Variants in FBXO36 observed in about 807,000 individuals in gnomAD.
FBXO36 encodes F-box protein 36, also known as F-box only protein 36.
In FBXO36, 18 loss-of-function variants were observed where a neutral mutation model predicts 17.0. The ratio of observed to expected loss-of-function variants is 1.06; its 90% CI spans 0.73 to 1.57. The LOEUF (loss-of-function observed/expected upper bound fraction) is 1.57. Ranked by LOEUF, FBXO36 falls within the 40% of genes most tolerant of loss-of-function variation. The pLI is 0.00. For synonymous variants in FBXO36, 83 were observed against 85.3 expected (o/e 0.97, Z 0.15); for missense variants, 229 against 221.9 (o/e 1.03, Z -0.20).
Position 229,938,118 on chromosome 2 carries a change from C to T in FBXO36, c.96+15509C>T, listed in dbSNP as rs553223938. Among the ~76,000 whole-genome samples, 271 of 151,784 alleles carry T rather than the reference C, an allele frequency of 1.8e-3. 4 individuals are homozygous for T. Among genetic ancestry groups the T allele is most frequent in the South Asian group, 8.3e-3 (40 of 4,812 alleles). ...GCATAGCTGAGATTACAGGCACCTG[C>T]TATCATGCCCGGCTAATTTTTTGTA... On this transcript the variant is annotated intron_variant, in intron 1 of 3. Transcript: ENST00000283946.
intron 2 of FBXO36, among the ~76,000 whole-genome samples, chr2:229,989,727 ATTTTTTT>A (rs11313146): frequency 3.3e-5 from 4 of 120,880 alleles, no homozygotes; most frequent in Non-Finnish European, 6.9e-5. Context: ...CGCCTGGCTA[ATTTTTTT>A]TTTTTTTTTT....
intron 2 of FBXO36, among the ~76,000 whole-genome samples, chr2:229,984,966 C>T (rs1467245970): frequency 6.6e-6 from 1 of 152,026 alleles, no homozygotes; most frequent in Non-Finnish European, 1.5e-5. Context: ...AAGAGATATA[C>T]CTTATAAATT....
intron 2 of FBXO36, among the ~76,000 whole-genome samples, chr2:229,982,571 C>T (rs1296448951): frequency 6.6e-6 from 1 of 151,892 alleles, no homozygotes; most frequent in African/African-American, 2.4e-5. Flanking sequence ...CTTTGGGAGG[C>T]TGAGGCGGGT....
intron 1 of FBXO36, among the ~76,000 whole-genome samples, chr2:229,941,837 C>T (rs1308056835): frequency 2.0e-5 from 3 of 151,992 alleles, no homozygotes; most frequent in South Asian, 2.1e-4. Context: ...GCCAACATGG[C>T]GAAACCCTGT....
At chr2:229,966,205 C>T (rs777565648) in intron 1 of FBXO36, among the ~76,000 whole-genome samples, 7 of 152,106 alleles carry the variant, frequency 4.6e-5, no homozygotes, top group Non-Finnish European at 8.8e-5. Flanking sequence ...TCATATCCTT[C>T]GCCCACTTGT....
rs760713596 is a variant in FBXO36 at position 229,996,915 on chromosome 2, T to C, written c.370T>C (p.Phe124Leu). The C allele has an allele frequency of 1.2e-6, 2 of 1,611,956 alleles. No individual in the cohort carries two copies. The highest frequency in any genetic ancestry group is 1.1e-5 in the South Asian group (1 of 90,194). Residue 124 changes from phenylalanine (F) to leucine (L), a missense_variant, in exon 3 of 4, where the codon TTT becomes CTT. By Grantham distance (22) the Phe-to-Leu change is conservative (BLOSUM62 0). Transcript: ENST00000283946. ...CAGGCTTTGTCAAACATCACACAGA[T>C]TTGCAAAGGTAACGGTCAATTATTT... The part of the protein sequence containing the change: ...IARLCQTSHR[F>L]AKLCMSDKLW...
At position 229,922,572 on chromosome 2, in the gene FBXO36, G is replaced by A; in HGVS notation, c.59G>A (p.Ser20Asn). 1 of 1,614,094 alleles carries A rather than the reference G, an allele frequency of 6.2e-7. No homozygotes were observed. Among genetic ancestry groups the A allele is most frequent in the Non-Finnish European group, 8.5e-7 (1 of 1,180,018 alleles). The change falls in exon 1 of 4, where the codon AGC becomes AAC. Residue 20 changes from serine to asparagine, a missense_variant. Transcript: ENST00000283946. ...ACTGTAGGACAAGGCCCGCCGCCTA[G>A]CAAAGACTATTACCAGTTACTGGTC... ...FETVGQGPPP[S>N]KDYYQLLVTR...
At chr2:229,946,110 G>C (rs186330598) in intron 1 of FBXO36, among the ~76,000 whole-genome samples, 3 of 152,106 alleles carry the variant, frequency 2.0e-5, no homozygotes, top group African/African-American at 7.2e-5. Context: ...GCCCCAGGGG[G>C]TTGTGGTGGA....
intron 1 of FBXO36, among the ~76,000 whole-genome samples, chr2:229,939,712 C>T (rs1456847112): frequency 6.6e-6 from 1 of 152,204 alleles, no homozygotes; most frequent in East Asian, 1.9e-4. Flanking sequence ...GTCTTCCACA[C>T]GTTGGTTCCC....
chr2:230,011,085 C>T lies in FBXO36; in HGVS notation c.*201C>T, dbSNP rs2077413489. 1.8e-6 allele frequency: 1 copy of T among 547,974 alleles called. No homozygotes were observed. The highest frequency in any genetic ancestry group is 3.2e-6 in the Non-Finnish European group (1 of 314,842). 33.9% of individuals were successfully genotyped at this position (547,974 alleles called of 1,614,324 possible). On this transcript the variant is annotated 3_prime_UTR_variant, in exon 4 of 4. Coordinates refer to ENST00000283946, the MANE Select transcript of FBXO36 (RefSeq NM_174899.5). Reference sequence around the variant, plus strand: ...GCTAGAGTCACCGTCATTCTGAGGTCAAATCATGGCCCGAGGACAAGGGCT... The same window carrying T: ...GCTAGAGTCACCGTCATTCTGAGGTTAAATCATGGCCCGAGGACAAGGGCT...
At chr2:229,994,682 A>G (rs1296049536) in intron 2 of FBXO36, among the ~76,000 whole-genome samples, 1 of 152,214 alleles carries the variant, frequency 6.6e-6, no homozygotes, top group African/African-American at 2.4e-5. Context: ...TTCTCTTCTA[A>G]GAGCCATTTT....
At chr2:229,993,495 A>G (rs2077309007) in intron 2 of FBXO36, among the ~76,000 whole-genome samples, 1 of 152,172 alleles carries the variant, frequency 6.6e-6, no homozygotes, top group African/African-American at 2.4e-5. Context: ...GGATGGAAAT[A>G]TGCGGGGGTG....
chr2:229,990,058 A>T (rs1002023022), intron 2 of FBXO36, among the ~76,000 whole-genome samples: 9 of 151,720 alleles, frequency 5.9e-5, no homozygotes. Context: ...CCGCTTTCTC[A>T]TTGTGTGATC....
intron 2 of FBXO36, among the ~76,000 whole-genome samples, chr2:229,982,179 ATGCCTGGCTAATTTTT>A (rs2077243920): frequency 6.6e-6 from 1 of 151,902 alleles, no homozygotes; most frequent in Non-Finnish European, 1.5e-5. Context: ...ATGTGCCACC[ATGCCTGGCTAATTTTT>A]TTGTATTTTT....
chr2:229,942,847 A>G (rs993748893), intron 1 of FBXO36: 1 of 152,190 alleles, frequency 6.6e-6, no homozygotes, highest in Non-Finnish European at 1.5e-5. Flanking sequence ...AAGCCGGTCT[A>G]TTGCCCATCC....
chr2:229,957,383 C>G (rs1326073512), intron 1 of FBXO36, among the ~76,000 whole-genome samples: 1 of 152,150 alleles, frequency 6.6e-6, no homozygotes, highest in Non-Finnish European at 1.5e-5. Context: ...TTGAGACTAG[C>G]CTGGCCAACA....
intron 2 of FBXO36, among the ~76,000 whole-genome samples, chr2:229,991,585 T>C (rs556009305): frequency 2.8e-4 from 42 of 152,342 alleles, no homozygotes; most frequent in African/African-American, 9.6e-4. Flanking sequence ...CCTTGCTGGT[T>C]GAGGGTCCAA....
chr2:229,968,643 T>C (rs1210758770), intron 1 of FBXO36, among the ~76,000 whole-genome samples: 1 of 152,090 alleles, frequency 6.6e-6, no homozygotes, highest in Admixed American at 6.6e-5. Flanking sequence ...AATTTTTGTA[T>C]TTTTTGTGGA....
At chr2:229,983,898 C>T (rs148253724) in intron 2 of FBXO36, among the ~76,000 whole-genome samples, 1 of 152,100 alleles carries the variant, frequency 6.6e-6, no homozygotes, top group African/African-American at 2.4e-5. Flanking sequence ...TTGCCTGGCA[C>T]ATAATAAGTA....
Sources: allele counts gnomAD v4.1 joint callset (sites outside exome capture counted in the v4.1 genomes callset), GRCh38; gene constraint gnomAD v4.1.1; transcripts MANE v1.5; gene names NCBI Gene and HGNC (gene_info 2026-07-23, HGNC 2026-07-21).